The following EFL1 variants were observed in gnomAD, a reference collection of about 807,000 sequenced individuals.
The protein encoded by EFL1 is elongation factor like GTPase 1.
EFL1 carries 76 observed loss-of-function variants against 126.7 expected under a neutral mutation model. The ratio of observed to expected loss-of-function variants is 0.60; its 90% CI spans 0.50 to 0.73. The LOEUF (loss-of-function observed/expected upper bound fraction) is 0.73. Ranked by LOEUF, EFL1 falls within the 30% of genes least tolerant of loss-of-function variation. The probability of loss-of-function intolerance (pLI) is 0.00; values close to 1 mark genes in which losing one functional copy is unlikely to be tolerated. For missense variants in EFL1, 1,128 were observed against 1,343.2 expected (o/e 0.84, Z 2.50); for synonymous variants, 410 against 448.4 (o/e 0.91, Z 1.08).
At chr15:82,223,717 C>T (rs1007262616) in intron 12 of EFL1, among the ~76,000 whole-genome samples, 8 of 152,182 alleles carry the variant, frequency 5.3e-5, no homozygotes, top group Non-Finnish European at 1.2e-4. Context: ...TTTGTTACTA[C>T]AAGAAATTGT....
chr15:82,147,303 A>T (rs2073857537), intron 18 of EFL1, among the ~76,000 whole-genome samples: 1 of 152,178 alleles, frequency 6.6e-6, no homozygotes, highest in Non-Finnish European at 1.5e-5. Flanking sequence ...GAGCACGGAT[A>T]GGCACAGACC....
chr15:82,147,626 T>TG (rs1555424266), intron 18 of EFL1, among the ~76,000 whole-genome samples: 21 of 52,260 alleles, frequency 4.0e-4, no homozygotes, highest in African/African-American at 6.8e-4. Context: ...GGGGCAATAG[T>TG]GAAAAAAAAA....
chr15:82,130,246 T>C lies in EFL1; in HGVS notation c.*127A>G, dbSNP rs2073623589. The C allele has an allele frequency of 1.2e-5, 13 of 1,043,558 alleles. No homozygotes were observed. Among genetic ancestry groups the C allele is most frequent in the Non-Finnish European group, 1.8e-5 (13 of 737,924 alleles). The allele number at this position is 1,043,558 out of a possible 1,614,324, so 64.6% of individuals were successfully genotyped here. On this transcript the variant is annotated 3_prime_UTR_variant, in exon 20 of 20. Coordinates refer to ENST00000268206, the MANE Select transcript of EFL1 (RefSeq NM_024580.6). ...TCTAACATCCTCTTTAAAATATTTATATGGATCAACTTTATTGAAAGTGAA... is the reference window on the plus strand; with the variant it reads ...TCTAACATCCTCTTTAAAATATTTACATGGATCAACTTTATTGAAAGTGAA...
chr15:82,170,106 C>CTTTT (rs760955432), intron 15 of EFL1, among the ~76,000 whole-genome samples: 11 of 78,858 alleles, frequency 1.4e-4, no homozygotes, highest in South Asian at 6.0e-4. Flanking sequence ...CACTGGATGT[C>CTTTT]TTTTTTTTTT....
At chr15:82,172,193 T>C (rs1334581947) in intron 15 of EFL1, among the ~76,000 whole-genome samples, 1 of 152,210 alleles carries the variant, frequency 6.6e-6, no homozygotes, top group Non-Finnish European at 1.5e-5. Context: ...CTGGCAGTTA[T>C]GTGCAGAAAA....
intron 16 of EFL1, among the ~76,000 whole-genome samples, chr15:82,163,267 C>A (rs1212905915): frequency 1.3e-5 from 2 of 152,210 alleles, no homozygotes; most frequent in African/African-American, 2.4e-5. Flanking sequence ...TTTGGCCGGG[C>A]ACTTTAGTTC....
intron 15 of EFL1, among the ~76,000 whole-genome samples, chr15:82,194,704 AC>A (rs1567058461): frequency 6.6e-6 from 1 of 152,204 alleles, no homozygotes; most frequent in Non-Finnish European, 1.5e-5. Context: ...ACAGGCATAA[AC>A]AGGATGTCCT....
chr15:82,186,325 G>T (rs1364863685), intron 15 of EFL1, among the ~76,000 whole-genome samples: 1 of 152,066 alleles, frequency 6.6e-6, no homozygotes, highest in African/African-American at 2.4e-5. Flanking sequence ...AGCAATAAGG[G>T]GGAAAGGCCA....
chr15:82,136,215 T>A (rs1451331563), intron 19 of EFL1, among the ~76,000 whole-genome samples: 2 of 152,202 alleles, frequency 1.3e-5, no homozygotes, highest in Admixed American at 1.3e-4. Context: ...ATTCTTCCAA[T>A]AATGATGCCA....
chr15:82,211,130 C>T (rs1212854434), intron 15 of EFL1, among the ~76,000 whole-genome samples: 1 of 151,924 alleles, frequency 6.6e-6, no homozygotes, highest in Non-Finnish European at 1.5e-5. Flanking sequence ...TTCCTGGTCT[C>T]AGTCAACTCA....
At chr15:82,176,741 C>G (rs187458846) in intron 15 of EFL1, among the ~76,000 whole-genome samples, 1 of 152,324 alleles carries the variant, frequency 6.6e-6, no homozygotes, top group Admixed American at 6.5e-5. Flanking sequence ...ATTGACTAAG[C>G]TTGAGCATAT....
chr15:82,148,830 T>C (rs1474461770), intron 18 of EFL1, among the ~76,000 whole-genome samples: 1 of 152,214 alleles, frequency 6.6e-6, no homozygotes, highest in Non-Finnish European at 1.5e-5. Context: ...CTGCGTTCCA[T>C]AAATTGCAGA....
chr15:82,254,414 T>C (rs1377880843), intron 3 of EFL1, among the ~76,000 whole-genome samples: 1 of 151,852 alleles, frequency 6.6e-6, no homozygotes, highest in Non-Finnish European at 1.5e-5. Flanking sequence ...GTGTAATACA[T>C]AAATAACAAC....
intron 14 of EFL1, among the ~76,000 whole-genome samples, chr15:82,217,721 C>A (rs755102955): frequency 1.2e-4 from 19 of 152,186 alleles, no homozygotes; most frequent in Non-Finnish European, 1.8e-4. Context: ...CCAGTGTTCA[C>A]ACCTTTGTTT....
intron 18 of EFL1, among the ~76,000 whole-genome samples, chr15:82,147,627 GAAAAAAA>G: frequency 1.2e-5 from 1 of 83,962 alleles, no homozygotes; most frequent in East Asian, 3.9e-4. Context: ...GGGCAATAGT[GAAAAAAA>G]AAAAAAAAAA....
intron 12 of EFL1, among the ~76,000 whole-genome samples, chr15:82,224,434 C>T (rs895814397): frequency 6.6e-6 from 1 of 152,164 alleles, no homozygotes; most frequent in African/African-American, 2.4e-5. Context: ...CTGAAATCAT[C>T]GCCAACACTT....
intron 15 of EFL1, among the ~76,000 whole-genome samples, chr15:82,209,206 C>T (rs2074557171): frequency 6.6e-6 from 1 of 152,074 alleles, no homozygotes; most frequent in Non-Finnish European, 1.5e-5. Flanking sequence ...GAACCAAATT[C>T]TACTGAGCTT....
At chr15:82,261,280 T>C (rs988712941) in intron 2 of EFL1, among the ~76,000 whole-genome samples, 2 of 152,212 alleles carry the variant, frequency 1.3e-5, no homozygotes, top group African/African-American at 2.4e-5. Flanking sequence ...GCCCTACTCA[T>C]AAATCTCCAC....
chr15:82,157,266 T>C (rs947058312), intron 17 of EFL1, among the ~76,000 whole-genome samples: 2 of 152,188 alleles, frequency 1.3e-5, no homozygotes, highest in African/African-American at 4.8e-5. Flanking sequence ...ATGCCCGTTA[T>C]AAAAATTTGG....
Sources: gnomAD v4.1 joint callset for allele counts (sites outside exome capture counted in the v4.1 genomes callset) on GRCh38, gnomAD v4.1.1 for gene constraint, MANE v1.5 for transcripts, NCBI Gene and HGNC (gene_info 2026-07-23, HGNC 2026-07-21) for gene names.